The following CACNA2D3 variants were observed in gnomAD, a reference collection of about 807,000 sequenced individuals.
CACNA2D3 encodes voltage-dependent calcium channel subunit alpha-2/delta-3.
A neutral mutation model predicts 160.6 loss-of-function variants in CACNA2D3; 60 were observed. The ratio of observed to expected loss-of-function variants is 0.37; its 90% CI spans 0.30 to 0.46. The LOEUF (loss-of-function observed/expected upper bound fraction) is 0.46, where lower values mean the gene tolerates loss of function less well. Among genes scored for constraint, CACNA2D3 ranks in the 20% least tolerant of loss-of-function variants. The pLI, the probability that CACNA2D3 is intolerant of heterozygous loss-of-function variation, is 1.00. For synonymous variants in CACNA2D3, 558 were observed against 492.9 expected (o/e 1.13, Z -1.75); for missense variants, 1,205 against 1,365.0 (o/e 0.88, Z 1.85).
chr3:54,905,336 T>G (rs967855431), intron 27 of CACNA2D3, among the ~76,000 whole-genome samples: 1 of 152,212 alleles, frequency 6.6e-6, no homozygotes, highest in Non-Finnish European at 1.5e-5. Context: ...CATTAACTGT[T>G]GCCAAGTATG....
At chr3:54,889,449 A>G (rs970023034) in intron 24 of CACNA2D3, among the ~76,000 whole-genome samples, 1 of 152,170 alleles carries the variant, frequency 6.6e-6, no homozygotes, top group South Asian at 2.1e-4. Context: ...TTCAGAGGCA[A>G]GGTCTCCAGG....
At chr3:54,736,986 T>C (rs1184330980) in intron 11 of CACNA2D3, among the ~76,000 whole-genome samples, 2 of 152,234 alleles carry the variant, frequency 1.3e-5, no homozygotes, top group Non-Finnish European at 2.9e-5. Context: ...GTTTTAGTAC[T>C]TTAGTGCTCA....
chr3:54,401,659 C>T (rs1475489060), intron 4 of CACNA2D3, among the ~76,000 whole-genome samples: 1 of 152,080 alleles, frequency 6.6e-6, no homozygotes, highest in Non-Finnish European at 1.5e-5. Flanking sequence ...TAAAGGTGTC[C>T]TTCAGGAATA....
intron 27 of CACNA2D3, among the ~76,000 whole-genome samples, chr3:54,958,321 A>C (rs1263854693): frequency 6.6e-6 from 1 of 152,216 alleles, no homozygotes; most frequent in Non-Finnish European, 1.5e-5. Flanking sequence ...TGAGCCCAAG[A>C]GTTGGAGGCT....
intron 13 of CACNA2D3, among the ~76,000 whole-genome samples, chr3:54,807,060 A>G (rs1025284845): frequency 4.3e-4 from 66 of 152,314 alleles, no homozygotes; most frequent in African/African-American, 1.4e-3. Flanking sequence ...AATTCAAGAT[A>G]GATTAAAGAC....
intron 3 of CACNA2D3, among the ~76,000 whole-genome samples, chr3:54,339,380 C>A (rs748946674): frequency 4.6e-5 from 7 of 152,302 alleles, no homozygotes; most frequent in Non-Finnish European, 8.8e-5. Context: ...TTTCACCCTA[C>A]CCCAAATACC....
intron 4 of CACNA2D3, among the ~76,000 whole-genome samples, chr3:54,403,510 C>G (rs923895238): frequency 6.6e-6 from 1 of 151,556 alleles, no homozygotes; most frequent in African/African-American, 2.4e-5. Flanking sequence ...CTGTAAATGC[C>G]TACATTAAAA....
rs1445607595 is a variant in CACNA2D3, at chr3:54,646,180, CTCCCTCCTTCCTTGCTTCCTTCCTTCCT to C, written c.1167+3943_1167+3970del. Among the ~76,000 whole-genome samples, 115 of 30,152 alleles carry C rather than the reference CTCCCTCCTTCCTTGCTTCCTTCCTTCCT, an allele frequency of 3.8e-3. 2 individuals are homozygous for C. Among genetic ancestry groups the C allele is most frequent in the Non-Finnish European group, 5.2e-3 (80 of 15,460 alleles). 19.8% of individuals were successfully genotyped at this position (30,152 alleles called of 152,430 possible). On this transcript the variant is annotated intron_variant, in intron 11 of 37. Coordinates refer to ENST00000474759, the MANE Select transcript of CACNA2D3 (RefSeq NM_018398.3). Reference sequence around the variant, plus strand: ...CCTCCCTCCCTCCCTCCCTCCCTCCCTCCCTCCTTCCTTGCTTCCTTCCTTCCTTCCTTCCTTCCTTCCTTCCTTCCTT... The same window carrying C: ...CCTCCCTCCCTCCCTCCCTCCCTCCCTCCTTCCTTCCTTCCTTCCTTCCTT...
At chr3:54,392,434 A>G (rs997646981) in intron 4 of CACNA2D3, among the ~76,000 whole-genome samples, 3 of 152,232 alleles carry the variant, frequency 2.0e-5, no homozygotes, top group Admixed American at 6.5e-5. Context: ...AGAGAAAAAA[A>G]TATGGTTTTG....
intron 17 of CACNA2D3, among the ~76,000 whole-genome samples, chr3:54,846,739 T>C (rs1055132930): frequency 2.0e-5 from 3 of 152,202 alleles, no homozygotes; most frequent in Non-Finnish European, 2.9e-5. Context: ...TGCCAACATA[T>C]GGAAAATTTT....
At chr3:54,574,699 A>C (rs1702553708) in intron 8 of CACNA2D3, among the ~76,000 whole-genome samples, 1 of 152,234 alleles carries the variant, frequency 6.6e-6, no homozygotes, top group South Asian at 2.1e-4. Flanking sequence ...TTAAATTAAC[A>C]ATATTATCAT....
At chr3:54,438,117 A>T (rs1575454462) in intron 4 of CACNA2D3, among the ~76,000 whole-genome samples, 1 of 152,220 alleles carries the variant, frequency 6.6e-6, no homozygotes, top group East Asian at 1.9e-4. Context: ...GGGTTATAGA[A>T]GTGCAGAAGA....
intron 4 of CACNA2D3, among the ~76,000 whole-genome samples, chr3:54,445,622 A>G (rs371616604): frequency 2.6e-5 from 4 of 151,400 alleles, no homozygotes; most frequent in South Asian, 4.2e-4. Flanking sequence ...GAGCATTCAT[A>G]TCTTTATTGC....
chr3:54,265,701 A>G (rs1336526577), intron 2 of CACNA2D3, among the ~76,000 whole-genome samples: 1 of 150,852 alleles, frequency 6.6e-6, no homozygotes, highest in African/African-American at 2.4e-5. Context: ...GTGGGTATAT[A>G]TAGTGTGTTT....
chr3:54,539,612 G>T (rs890588300), intron 5 of CACNA2D3, among the ~76,000 whole-genome samples: 2 of 152,172 alleles, frequency 1.3e-5, no homozygotes, highest in Non-Finnish European at 2.9e-5. Flanking sequence ...GGTCCTTGTG[G>T]ACACACACAT....
chr3:54,683,181 A>T (rs1027453676), intron 11 of CACNA2D3, among the ~76,000 whole-genome samples: 1 of 152,212 alleles, frequency 6.6e-6, no homozygotes, highest in Middle Eastern at 3.2e-3. Context: ...GTAGTAATGA[A>T]CTTCATAAAT....
At chr3:54,354,552 G>T (rs13317271) in intron 3 of CACNA2D3, among the ~76,000 whole-genome samples, 36 of 152,044 alleles carry the variant, frequency 2.4e-4, no homozygotes, top group African/African-American at 8.0e-4. Context: ...AGTGTCTCTG[G>T]GTCTCTTTCT....
chr3:54,814,345 A>G (rs1432453810), intron 13 of CACNA2D3, among the ~76,000 whole-genome samples: 1 of 152,210 alleles, frequency 6.6e-6, no homozygotes, highest in Admixed American at 6.5e-5. Context: ...ACAGGCAAGC[A>G]CACTGGCCAG....
intron 4 of CACNA2D3, among the ~76,000 whole-genome samples, chr3:54,420,471 A>G (rs1699821095): frequency 6.6e-6 from 1 of 152,226 alleles, no homozygotes; most frequent in African/African-American, 2.4e-5. Flanking sequence ...GGACTTTCAC[A>G]GGTCTCATAT....
Sources: gnomAD v4.1 joint callset for allele counts (sites outside exome capture counted in the v4.1 genomes callset) on GRCh38, gnomAD v4.1.1 for gene constraint, MANE v1.5 for transcripts, NCBI Gene and HGNC (gene_info 2026-07-23, HGNC 2026-07-21) for gene names.